Variants in SNX29 observed in about 807,000 individuals in gnomAD.
The protein encoded by SNX29 is sorting nexin 29, also known as sorting nexin-29.
SNX29 carries 78 observed loss-of-function variants against 102.1 expected under a neutral mutation model. The observed-to-expected ratio is 0.76, with a 90% confidence interval of 0.64 to 0.92. The LOEUF (loss-of-function observed/expected upper bound fraction) is 0.92. Among genes scored for constraint, SNX29 ranks in the 40% least tolerant of loss-of-function variants. The pLI, the probability that SNX29 is intolerant of heterozygous loss-of-function variation, is 0.00. For missense variants in SNX29, 1,280 were observed against 1,061.7 expected, an observed-to-expected ratio of 1.21 and a Z score of -2.86; for synonymous variants, 580 against 414.5, an observed-to-expected ratio of 1.40 and a Z score of -4.85.
rs1476547241 is a variant in SNX29, at chr16:12,398,712, C to CT, written c.1955+211_1955+212insT. ...TTTCTCACCCTTGGGTATTTAAAAA[C>CT]ATTTTTTTTTTTTTTGGCTGACATT... On this transcript the variant is annotated intron_variant, in intron 17 of 20. Coordinates refer to ENST00000566228, the MANE Select transcript of SNX29 (RefSeq NM_032167.5). Among the ~76,000 whole-genome samples the CT allele has an allele frequency of 7.5e-5, 11 of 147,640 alleles. No individual in the cohort carries two copies. The East Asian group carries it at 1.2e-3, about 16-fold the overall frequency.
intron 15 of SNX29, among the ~76,000 whole-genome samples, chr16:12,288,364 A>G (rs2079670185): frequency 7.2e-6 from 1 of 138,798 alleles, no homozygotes; most frequent in Non-Finnish European, 1.6e-5. Context: ...ATTTCTGCAT[A>G]AACGACCCCT....
At chr16:12,020,711 C>A (rs1460167454) in intron 3 of SNX29, among the ~76,000 whole-genome samples, 1 of 151,992 alleles carries the variant, frequency 6.6e-6, no homozygotes, top group African/African-American at 2.4e-5. Context: ...GCAACCTCCC[C>A]CTCCTGGGTT....
chr16:12,134,839 C>G (rs1299177596), intron 13 of SNX29, among the ~76,000 whole-genome samples: 1 of 152,098 alleles, frequency 6.6e-6, no homozygotes, highest in East Asian at 1.9e-4. Flanking sequence ...GAGAAACAGA[C>G]CAATAGGATG....
At chr16:12,465,964 C>G (rs1474686716) in intron 18 of SNX29, among the ~76,000 whole-genome samples, 3 of 151,914 alleles carry the variant, frequency 2.0e-5, no homozygotes, top group African/African-American at 4.8e-5. Context: ...CATGATAACC[C>G]CCCAATGAAT....
chr16:12,540,791 A>G (rs2077299046), intron 20 of SNX29, among the ~76,000 whole-genome samples: 1 of 152,200 alleles, frequency 6.6e-6, no homozygotes, highest in Non-Finnish European at 1.5e-5. Flanking sequence ...GTGCTTGAGG[A>G]CTGCTCAAGG....
chr16:12,556,948 GCT>G (rs1491042164), intron 20 of SNX29, among the ~76,000 whole-genome samples: 61 of 15,936 alleles, frequency 3.8e-3, no homozygotes, highest in African/African-American at 0.018. Context: ...TGCCGCTCAG[GCT>G]CAGTCTTCCC....
chr16:12,463,110 T>G (rs2086880877), intron 18 of SNX29, among the ~76,000 whole-genome samples: 1 of 152,178 alleles, frequency 6.6e-6, no homozygotes, highest in Admixed American at 6.5e-5. Context: ...ATGCCCCTTA[T>G]TAGGACGCCA....
At chr16:12,394,252 G>T (rs933120375) in intron 16 of SNX29, among the ~76,000 whole-genome samples, 5 of 152,150 alleles carry the variant, frequency 3.3e-5, no homozygotes, top group Admixed American at 6.5e-5. Flanking sequence ...ACCAGCTAAG[G>T]CTCTTGAGTA....
chr16:12,457,043 T>G (rs2086571528), intron 18 of SNX29, among the ~76,000 whole-genome samples: 1 of 152,218 alleles, frequency 6.6e-6, no homozygotes, highest in African/African-American at 2.4e-5. Context: ...TAGTGGGCAG[T>G]AAGCTGTGAT....
intron 18 of SNX29, among the ~76,000 whole-genome samples, chr16:12,406,644 A>T (rs1431360278): frequency 6.6e-6 from 1 of 152,250 alleles, no homozygotes; most frequent in Admixed American, 6.5e-5. Flanking sequence ...AAAATGGCTC[A>T]TGCCTATAAT....
At chr16:12,083,465 C>G (rs1204566718) in intron 11 of SNX29, among the ~76,000 whole-genome samples, 2 of 151,758 alleles carry the variant, frequency 1.3e-5, no homozygotes, top group African/African-American at 2.4e-5. Context: ...CCTCTGCAGG[C>G]ACATCCTGGT....
intron 10 of SNX29, among the ~76,000 whole-genome samples, chr16:12,075,654 A>G (rs1388611328): frequency 1.3e-5 from 2 of 152,166 alleles, no homozygotes; most frequent in Admixed American, 6.6e-5. Flanking sequence ...CCGTTCTCAG[A>G]TTTCCAGCTG....
chr16:12,285,465 A>G lies in SNX29; in HGVS notation c.1782+7429A>G, dbSNP rs114327639. 9.2e-3 allele frequency among the ~76,000 whole-genome samples: 1,404 copies of G among 152,328 alleles called. 29 individuals are homozygous for G. The highest frequency in any genetic ancestry group is 0.032 in the African/African-American group (1,315 of 41,560). ...TGAATTTTTCTTGTGGGTAAAATAA[A>G]TGGTGTATTAGCAACATTTGTTCTC... On this transcript the variant is annotated intron_variant, in intron 15 of 20. Coordinates refer to ENST00000566228, the MANE Select transcript of SNX29 (RefSeq NM_032167.5).
intron 15 of SNX29, among the ~76,000 whole-genome samples, chr16:12,315,482 T>C (rs1374219047): frequency 2.6e-5 from 4 of 152,180 alleles, no homozygotes; most frequent in African/African-American, 9.7e-5. Context: ...CATTTACATA[T>C]TGAATCCCTA....
intron 14 of SNX29, among the ~76,000 whole-genome samples, chr16:12,214,257 C>T (rs905397693): frequency 6.6e-6 from 1 of 152,202 alleles, no homozygotes; most frequent in Non-Finnish European, 1.5e-5. Flanking sequence ...CCCAGAAACA[C>T]AACAGGAACA....
chr16:12,097,785 C>T (rs1008761442), intron 11 of SNX29, among the ~76,000 whole-genome samples: 1 of 152,190 alleles, frequency 6.6e-6, no homozygotes, highest in Non-Finnish European at 1.5e-5. Context: ...ATGGGCCTCT[C>T]GCTCAGGGGA....
In SNX29 at chr16:12,516,352, C is replaced by T. The variant is rs193279700; in HGVS notation, c.2179-8350C>T. Among the ~76,000 whole-genome samples, 444 of 152,136 alleles carry T rather than the reference C, an allele frequency of 2.9e-3. 1 individual carries two copies. Among genetic ancestry groups the T allele is most frequent in the African/African-American group, 9.6e-3 (400 of 41,494 alleles). On this transcript the variant is annotated intron_variant, in intron 19 of 20. Coordinates refer to ENST00000566228, the MANE Select transcript of SNX29 (RefSeq NM_032167.5). ...AAAATTAGCCAGACGTGGTGGTGTG[C>T]ACCTGTAGTCCCAGCTACACTGGAG...
At chr16:12,187,754 G>A (rs1443783477) in intron 13 of SNX29, among the ~76,000 whole-genome samples, 1 of 21,100 alleles carries the variant, frequency 4.7e-5, no homozygotes, top group East Asian at 9.3e-4. Context: ...GGTACTGTTG[G>A]CATTCACTCC....
chr16:12,373,596 A>G (rs1374720597), intron 16 of SNX29: 1 of 152,182 alleles, frequency 6.6e-6, no homozygotes, highest in East Asian at 1.9e-4. Context: ...TCCTCATAAT[A>G]CTAATGCTAC....
Sources: allele counts gnomAD v4.1 joint callset (sites outside exome capture counted in the v4.1 genomes callset), GRCh38; gene constraint gnomAD v4.1.1; transcripts MANE v1.5; gene names NCBI Gene and HGNC (gene_info 2026-07-23, HGNC 2026-07-21).